ZAP70: variants seen among roughly 807,000 people sequenced by gnomAD.
ZAP70 encodes the protein zeta chain of T cell receptor associated protein kinase 70, also known as tyrosine-protein kinase ZAP-70.
ZAP70 carries 27 observed loss-of-function variants against 65.8 expected under a neutral mutation model. The observed-to-expected ratio is 0.41, with a 90% CI of 0.30 to 0.57. The LOEUF (loss-of-function observed/expected upper bound fraction) is 0.57, where lower values mean the gene tolerates loss of function less well. Among genes scored for constraint, ZAP70 ranks in the 20% least tolerant of loss-of-function variants. The probability of loss-of-function intolerance (pLI) is 0.28; values close to 1 mark genes in which losing one functional copy is unlikely to be tolerated. For synonymous variants in ZAP70, 363 were observed against 360.8 expected, an observed-to-expected ratio of 1.01 and a Z score of -0.07; for missense variants, 696 against 870.5, an observed-to-expected ratio of 0.80 and a Z score of 2.52.
At position 97,735,403 on chromosome 2, in the gene ZAP70, G is replaced by A. The variant is rs1677828422; in HGVS notation, c.1236G>A (p.Leu412=). 1.2e-6 allele frequency: 2 copies of A among 1,614,032 alleles called. No homozygotes were observed. Among genetic ancestry groups the A allele is most frequent in the East Asian group, 2.2e-5 (1 of 44,868 alleles). Residue 412 remains leucine (L), a synonymous_variant, in exon 10 of 14, where the codon CTG becomes CTA. Transcript: ENST00000264972. ...IGVCQAEALM[L]VMEMAGGGPL... is the part of the protein sequence containing the mutation. ...TCTGCCAGGCCGAGGCCCTCATGCT[G>A]GTCATGGAGATGGCTGGGGGCGGGC...
chr2:97,724,735 G>A (rs985369366), intron 3 of ZAP70: 3 of 1,509,022 alleles, frequency 2.0e-6, no homozygotes, highest in Non-Finnish European at 2.7e-6. Context: ...ATGGGGGCGG[G>A]GCTGAGAGGA....
At chr2:97,720,068 T>C (rs922800942) in intron 2 of ZAP70, among the ~76,000 whole-genome samples, 1 of 152,232 alleles carries the variant, frequency 6.6e-6, no homozygotes, top group African/African-American at 2.4e-5. Flanking sequence ...TCCCACAGTG[T>C]ATCTTATTCA....
chr2:97,735,038 T>G (rs1008109242), intron 9 of ZAP70: 7 of 670,058 alleles, frequency 1.0e-5, no homozygotes, highest in Admixed American at 2.8e-5. Flanking sequence ...TTTTTGGCGA[T>G]GGGCTGTTCC....
chr2:97,748,183 G>C, the ZAP70 span, among the ~76,000 whole-genome samples: 1 of 152,138 alleles, frequency 6.6e-6, no homozygotes, highest in Non-Finnish European at 1.5e-5. Context: ...AAGTTTATTA[G>C]CACAGGGCAA....
chr2:97,745,335 G>T, the ZAP70 span, among the ~76,000 whole-genome samples: 5 of 152,206 alleles, frequency 3.3e-5, no homozygotes, highest in African/African-American at 1.2e-4. Flanking sequence ...CACTGTGCCT[G>T]GCCAAAAAAC....
Position 97,731,743 on chromosome 2 carries a change from T to A in ZAP70, c.564-1140T>A, listed in dbSNP as rs950896516. 8.5e-5 allele frequency among the ~76,000 whole-genome samples: 13 copies of A among 152,212 alleles called. No homozygotes were observed. Among genetic ancestry groups the A allele is most frequent in the Admixed American group, 3.3e-4 (5 of 15,288 alleles). ...CAGTGCCTGGCCTGTCAGTAAAGAC[T>A]TGTCCAGTGAATGAACATCCACAGG... On this transcript the variant is annotated intron_variant, in intron 4 of 13. Transcript: ENST00000264972. The surrounding 1 kb of genome is among the most constrained non-coding windows in gnomAD (Gnocchi z 4.0).
chr2:97,742,252 G>A (rs1329955217), downstream of ZAP70, among the ~76,000 whole-genome samples: 1 of 152,220 alleles, frequency 6.6e-6, no homozygotes, highest in Non-Finnish European at 1.5e-5. Context: ...CGGCTTCCTA[G>A]CATTGGGTTT....
intron 7 of ZAP70, 39 bp downstream of exon 7, chr2:97,733,382 A>T (rs374670472): frequency 6.3e-7 from 1 of 1,590,980 alleles, no homozygotes; most frequent in African/African-American, 1.3e-5. Flanking sequence ...TTGGGGATGG[A>T]GCTGGGGAGT....
rs576728254 is a variant in ZAP70 at position 97,722,292 on chromosome 2, G to A, written c.-21-1724G>A. 4.0e-5 allele frequency among the ~76,000 whole-genome samples: 6 copies of A among 151,454 alleles called. No individual in the cohort carries two copies. The East Asian group carries it at 1.2e-3, about 30-fold the overall frequency. On this transcript the variant is annotated intron_variant, in intron 2 of 13. Transcript: ENST00000264972. Reference sequence around the variant, plus strand: ...AGACGGGGTTTCACCATGTTAGCCAGGCTGGTCTCGAACTGCTGGTCTCAA... The same window carrying A: ...AGACGGGGTTTCACCATGTTAGCCAAGCTGGTCTCGAACTGCTGGTCTCAA...
chr2:97,724,988 G>C, intron 3 of ZAP70, 104 bp from the exon 4 acceptor site: 1 of 1,566,558 alleles, frequency 6.4e-7, no homozygotes, highest in East Asian at 2.3e-5. Context: ...CGCTAGGGAC[G>C]CCTGGGTGGG....
chr2:97,739,857 C>T lies in ZAP70; in HGVS notation c.*359C>T, dbSNP rs201388521. The T allele has an allele frequency of 3.0e-5, 9 of 295,116 alleles. No homozygotes were observed. Among genetic ancestry groups the T allele is most frequent in the Non-Finnish European group, 5.2e-5 (8 of 153,922 alleles). The allele number at this position is 295,116 out of a possible 1,614,324, so 18.3% of individuals were successfully genotyped here. On this transcript the variant is annotated 3_prime_UTR_variant, in exon 14 of 14. Coordinates refer to ENST00000264972, the MANE Select transcript of ZAP70 (RefSeq NM_001079.4). ...TCACCAGAATAAACCCAGCTTCCCT[C>T]TTGTCTGAGCGCCCTCATCTTTTCC... is the stretch of plus-strand genomic sequence containing the variant.
In ZAP70 at chr2:97,715,466, C is replaced by T. The variant is rs116451256; in HGVS notation, c.-22+1472C>T. Reference sequence around the variant, plus strand: ...CAGAGCCTGAGGCCCAGAGAGGGACCGCTGCTTGCTGAGGTCACACAGGCA... The same window carrying T: ...CAGAGCCTGAGGCCCAGAGAGGGACTGCTGCTTGCTGAGGTCACACAGGCA... On this transcript the variant is annotated intron_variant, in intron 2 of 13. Transcript: ENST00000264972. The surrounding 1 kb of genome is among the most constrained non-coding windows in gnomAD (Gnocchi z 4.1). Among the ~76,000 whole-genome samples the T allele has an allele frequency of 6.2e-3, 941 of 152,262 alleles. 16 individuals are homozygous for T. Among genetic ancestry groups the T allele is most frequent in the African/African-American group, 0.021 (889 of 41,538 alleles).
intron 4 of ZAP70, 43 bp downstream of exon 4, chr2:97,725,295 C>T: frequency 3.1e-6 from 5 of 1,603,084 alleles, no homozygotes; most frequent in Non-Finnish European, 3.4e-6. Flanking sequence ...GATTGGGGCT[C>T]GTTGGCAGGG....
the ZAP70 span, among the ~76,000 whole-genome samples, chr2:97,754,084 A>T: frequency 6.6e-6 from 1 of 152,260 alleles, no homozygotes; most frequent in Non-Finnish European, 1.5e-5. Context: ...CAAAGCGACT[A>T]TCATGCCAAC....
At chr2:97,754,957 G>A in the ZAP70 span, among the ~76,000 whole-genome samples, 14 of 152,208 alleles carry the variant, frequency 9.2e-5, no homozygotes, top group African/African-American at 3.4e-4. Context: ...AATGAGACTT[G>A]TTCTGTGAGC....
chr2:97,749,003 C>CA, the ZAP70 span, among the ~76,000 whole-genome samples: 1 of 148,198 alleles, frequency 6.7e-6, no homozygotes, highest in African/African-American at 2.5e-5. Flanking sequence ...GTGACACTTC[C>CA]CTTTTTTTTT....
At chr2:97,726,378 T>A (rs1677390096) in intron 4 of ZAP70, among the ~76,000 whole-genome samples, 1 of 152,204 alleles carries the variant, frequency 6.6e-6, no homozygotes, top group East Asian at 1.9e-4. Context: ...AAGACACAGA[T>A]AAATTGGTGC....
At chr2:97,723,052 A>C (rs1643438155) in intron 2 of ZAP70, among the ~76,000 whole-genome samples, 1 of 152,204 alleles carries the variant, frequency 6.6e-6, no homozygotes, top group Non-Finnish European at 1.5e-5. Context: ...GGACGTCACC[A>C]TCACCCCAGA....
At chr2:97,734,461 C>G in intron 8 of ZAP70, 59 bp from the exon 9 acceptor site, 6 of 1,542,602 alleles carry the variant, frequency 3.9e-6, no homozygotes, top group Non-Finnish European at 4.4e-6. Flanking sequence ...GGGGCTGAGG[C>G]TGCCTTGCTC....
Sources: allele counts gnomAD v4.1 joint callset (sites outside exome capture counted in the v4.1 genomes callset), GRCh38; gene constraint gnomAD v4.1.1; non-coding constraint Gnocchi (gnomAD v3.1); transcripts MANE v1.5; gene names NCBI Gene and HGNC (gene_info 2026-07-23, HGNC 2026-07-21).